Variants in ANKRD6 observed in about 807,000 individuals in gnomAD.
ANKRD6 encodes ankyrin repeat domain 6.
A neutral mutation model predicts 82.3 loss-of-function variants in ANKRD6; 56 were observed. The observed-to-expected ratio is 0.68, with a 90% CI of 0.55 to 0.85. The LOEUF is 0.85. ANKRD6 is among the 40% of genes least tolerant of loss of function. ANKRD6 has a pLI of 0.00. For missense variants in ANKRD6, 852 were observed against 907.6 expected (o/e 0.94, Z 0.79); for synonymous variants, 347 against 352.1 (o/e 0.99, Z 0.16).
At chr6:89,461,726 G>T (rs1479613209) in intron 1 of ANKRD6, among the ~76,000 whole-genome samples, 1 of 151,980 alleles carries the variant, frequency 6.6e-6, no homozygotes, top group African/African-American at 2.4e-5. Flanking sequence ...AACTTCATAC[G>T]GCTGCAGAAA....
intron 1 of ANKRD6, among the ~76,000 whole-genome samples, chr6:89,560,551 C>A (rs1046241984): frequency 6.6e-6 from 1 of 152,178 alleles, no homozygotes; most frequent in Non-Finnish European, 1.5e-5. Context: ...TGGCTGGGCA[C>A]GGTGGCTCAC....
At chr6:89,547,480 G>C (rs1382546215) in intron 1 of ANKRD6, among the ~76,000 whole-genome samples, 1 of 152,132 alleles carries the variant, frequency 6.6e-6, no homozygotes, top group Admixed American at 6.5e-5. Flanking sequence ...AGGCCTCCGG[G>C]GGTGTCACCT....
At chr6:89,514,439 TTGTTAG>T (rs546630900) in intron 1 of ANKRD6, among the ~76,000 whole-genome samples, 545 of 152,252 alleles carry the variant, frequency 3.6e-3, no homozygotes, top group Non-Finnish European at 4.5e-3. Context: ...TCATCAGCTA[TTGTTAG>T]TGTTAGTGTA....
intron 2 of ANKRD6, among the ~76,000 whole-genome samples, chr6:89,589,299 G>A (rs919150797): frequency 1.3e-5 from 2 of 152,186 alleles, no homozygotes; most frequent in African/African-American, 4.8e-5. Context: ...CAGTTGACTG[G>A]CTTGTTTCTG....
At chr6:89,530,785 A>G (rs894999609) in intron 1 of ANKRD6, among the ~76,000 whole-genome samples, 38 of 152,198 alleles carry the variant, frequency 2.5e-4, no homozygotes, top group African/African-American at 8.9e-4. Context: ...TGAAAGTTGT[A>G]CTTGCTGGGT....
intron 1 of ANKRD6, among the ~76,000 whole-genome samples, chr6:89,537,134 A>G (rs1220033816): frequency 1.3e-5 from 2 of 152,164 alleles, no homozygotes; most frequent in African/African-American, 4.8e-5. Context: ...ATGGTTTCCT[A>G]TAAGGAGAGA....
At chr6:89,578,214 A>G (rs1442707408) in intron 2 of ANKRD6, among the ~76,000 whole-genome samples, 1 of 151,660 alleles carries the variant, frequency 6.6e-6, no homozygotes, top group South Asian at 2.1e-4. Flanking sequence ...GGAGAACGAC[A>G]TGGGACACAT....
At chr6:89,549,606 T>C (rs1273436359) in intron 1 of ANKRD6, among the ~76,000 whole-genome samples, 1 of 152,230 alleles carries the variant, frequency 6.6e-6, no homozygotes, top group Non-Finnish European at 1.5e-5. Flanking sequence ...AGGTATTTTT[T>C]AAGCCTGCTT....
At chr6:89,553,530 G>T (rs974673447) in intron 1 of ANKRD6, among the ~76,000 whole-genome samples, 1 of 152,166 alleles carries the variant, frequency 6.6e-6, no homozygotes, top group Non-Finnish European at 1.5e-5. Flanking sequence ...TCAGGACTAT[G>T]TTTGCAGGAT....
intron 1 of ANKRD6, among the ~76,000 whole-genome samples, chr6:89,443,017 A>G (rs1320927497): frequency 6.6e-6 from 1 of 152,216 alleles, no homozygotes; most frequent in Non-Finnish European, 1.5e-5. Flanking sequence ...GGCCATTTCA[A>G]AATATGGCAA....
intron 1 of ANKRD6, among the ~76,000 whole-genome samples, chr6:89,472,516 A>G (rs1037527731): frequency 6.6e-6 from 1 of 152,142 alleles, no homozygotes; most frequent in Non-Finnish European, 1.5e-5. Flanking sequence ...AGATCTGACT[A>G]CACTTATGAT....
intron 2 of ANKRD6, among the ~76,000 whole-genome samples, chr6:89,595,229 G>C (rs937454799): frequency 1.3e-5 from 2 of 152,162 alleles, no homozygotes; most frequent in African/African-American, 4.8e-5. Flanking sequence ...AGGTGGTAGT[G>C]GTGTGCACCT....
At chr6:89,470,565 G>A (rs1014847432) in intron 1 of ANKRD6, among the ~76,000 whole-genome samples, 13 of 152,148 alleles carry the variant, frequency 8.5e-5, no homozygotes, top group Non-Finnish European at 1.3e-4. Flanking sequence ...AGGCTGCAGT[G>A]AGCTGAGATC....
At chr6:89,436,548 G>A (rs374176075) in intron 1 of ANKRD6, among the ~76,000 whole-genome samples, 7 of 152,230 alleles carry the variant, frequency 4.6e-5, no homozygotes, top group Admixed American at 3.3e-4. Context: ...ATTATGCTAG[G>A]TGAAATAAGT....
chr6:89,602,592 C>G (rs1015981648), intron 3 of ANKRD6: 8 of 167,962 alleles, frequency 4.8e-5, no homozygotes, highest in African/African-American at 1.9e-4. Context: ...GTGCTGCTAA[C>G]TGGCAGAGCT....
intron 1 of ANKRD6, among the ~76,000 whole-genome samples, chr6:89,468,396 G>T (rs183117728): frequency 1.3e-5 from 2 of 152,042 alleles, no homozygotes; most frequent in Admixed American, 6.6e-5. Flanking sequence ...TAAATATTTC[G>T]ATCTTATTTA....
At position 89,567,045 on chromosome 6, in the gene ANKRD6, A is replaced by T. The variant is rs1481682363; in HGVS notation, c.69A>T (p.Thr23=). 2 of 1,607,694 alleles carry T rather than the reference A, an allele frequency of 1.2e-6. No homozygotes were observed. The highest frequency in any genetic ancestry group is 1.7e-6 in the Non-Finnish European group (2 of 1,176,960). ...RLLVAAYKGQ[T]ENVVQLINKG... The stretch of plus-strand genomic sequence containing the variant: ...TCGTAGCTGCGTACAAAGGCCAAAC[A>T]GAGAATGTGGTTCAGCTCATCAACA... The change falls in exon 2 of 16, where the codon ACA becomes ACT. Residue 23 remains threonine, a synonymous_variant. Transcript: ENST00000339746.
rs1218254707 is a variant in ANKRD6 at position 89,491,992 on chromosome 6, A to G, written c.-144+58617A>G. ...TCTCCACTTCTTCATCATACCCAGCATAAAAAAATACATGTTTCCCTATTG... is the reference window on the plus strand; with the variant it reads ...TCTCCACTTCTTCATCATACCCAGCGTAAAAAAATACATGTTTCCCTATTG... On this transcript the variant is annotated intron_variant, in intron 1 of 15. Coordinates refer to ENST00000339746, the MANE Select transcript of ANKRD6 (RefSeq NM_001242809.2). 2.0e-5 allele frequency among the ~76,000 whole-genome samples: 3 copies of G among 152,196 alleles called. No homozygotes were observed. The East Asian group carries it at 5.8e-4, about 29-fold the overall frequency.
intron 1 of ANKRD6, among the ~76,000 whole-genome samples, chr6:89,544,979 G>C (rs1362124195): frequency 2.0e-5 from 3 of 151,496 alleles, no homozygotes; most frequent in African/African-American, 4.8e-5. Context: ...TTCGGGAGGC[G>C]GAGGCGGGCA....
Sources: gnomAD v4.1 joint callset for allele counts (sites outside exome capture counted in the v4.1 genomes callset) on GRCh38, gnomAD v4.1.1 for gene constraint, MANE v1.5 for transcripts, NCBI Gene and HGNC (gene_info 2026-07-23, HGNC 2026-07-21) for gene names.